The following VPS39 variants were observed in gnomAD, a reference collection of about 807,000 sequenced individuals.
VPS39 encodes VPS39 subunit of HOPS complex.
VPS39 carries 70 observed loss-of-function variants against 121.0 expected under a neutral mutation model. That is an observed-to-expected ratio of 0.58 (90% CI 0.48 to 0.71). The LOEUF is 0.71. Ranked by LOEUF, VPS39 falls within the 30% of genes least tolerant of loss-of-function variation. The pLI is 0.00. For synonymous variants in VPS39, 378 were observed against 398.1 expected, an observed-to-expected ratio of 0.95 and a Z score of 0.60; for missense variants, 818 against 1,051.5, an observed-to-expected ratio of 0.78 and a Z score of 3.07.
At chr15:42,175,605 T>C (rs1001416335) in intron 10 of VPS39, among the ~76,000 whole-genome samples, 1 of 151,988 alleles carries the variant, frequency 6.6e-6, no homozygotes, top group African/African-American at 2.4e-5. Context: ...AAAATGTCTC[T>C]CAATTTCCCC....
intron 11 of VPS39, 96 bp from the exon 12 acceptor site, chr15:42,169,962 A>G: frequency 1.6e-6 from 2 of 1,279,988 alleles, no homozygotes; most frequent in Non-Finnish European, 2.1e-6. Flanking sequence ...TAAGTTCCAG[A>G]CTGATTTAAA....
At chr15:42,183,895 C>T (rs377727210) in intron 8 of VPS39, among the ~76,000 whole-genome samples, 3 of 151,926 alleles carry the variant, frequency 2.0e-5, no homozygotes, top group East Asian at 3.9e-4. Flanking sequence ...CTCACTCTTC[C>T]GACTGAAAAT....
At chr15:42,162,544 G>A (rs1566888398) in intron 21 of VPS39, 63 bp from the exon 22 acceptor site, 4 of 1,507,776 alleles carry the variant, frequency 2.7e-6, no homozygotes, top group East Asian at 4.6e-5. Context: ...CCCCAGCACT[G>A]AGCATGCCTA....
At chr15:42,199,303 C>T (rs1433024492) in intron 2 of VPS39, among the ~76,000 whole-genome samples, 2 of 152,136 alleles carry the variant, frequency 1.3e-5, no homozygotes, top group Non-Finnish European at 1.5e-5. Flanking sequence ...CTGACAGTCA[C>T]ATTTGATTAG....
chr15:42,189,224 T>C lies in VPS39; in HGVS notation c.248-16A>G. The C allele has an allele frequency of 6.3e-7, 1 of 1,587,456 alleles. No homozygotes were observed. Among genetic ancestry groups the C allele is most frequent in the Non-Finnish European group, 8.6e-7 (1 of 1,156,374 alleles). ...ATGTTATTTTCTGTTTGGGAGGAGG[T>C]ATAACATCAGGATCAATGATCATAA... On this transcript the variant is annotated splice_polypyrimidine_tract_variant and intron_variant, in intron 4 of 24. Coordinates refer to ENST00000318006, the MANE Select transcript of VPS39 (RefSeq NM_015289.5).
intron 1 of VPS39, 55 bp from the exon 2 acceptor site, chr15:42,200,016 A>C: frequency 1.3e-6 from 2 of 1,519,594 alleles, no homozygotes; most frequent in Non-Finnish European, 1.7e-6. Context: ...GCTTTGAGAA[A>C]GGTCAATCAG....
chr15:42,160,949 A>AAAG, intron 24 of VPS39, 120 bp from the exon 25 acceptor site: 1 of 987,304 alleles, frequency 1.0e-6, no homozygotes, highest in Non-Finnish European at 1.6e-6. Flanking sequence ...CAGCCCACCC[A>AAAG]AACCTCAAAG....
Position 42,165,049 on chromosome 15 carries a change from T to C in VPS39, c.1844A>G (p.Tyr615Cys), listed in dbSNP as rs1466120935. 6.2e-7 allele frequency: 1 copy of C among 1,614,214 alleles called. No individual in the cohort carries two copies. Among genetic ancestry groups the C allele is most frequent in the African/African-American group, 1.3e-5 (1 of 75,056 alleles). ...CATCAGACCTTGCACCTTCTCACAG[T>C]ATAGCTGGATCAGGCAGTTGTGGAA... ...SRFHNCLIQL[Y>C]CEKVQGLMKE... The change falls in exon 18 of 25, where the codon TAC (tyrosine) becomes TGC (cysteine). Residue 615 changes from tyrosine to cysteine, a missense_variant. Transcript: ENST00000318006.
intron 11 of VPS39, 119 bp from the exon 12 acceptor site, chr15:42,169,985 ACTCTCAGTTC>A: frequency 1.8e-5 from 20 of 1,095,406 alleles, no homozygotes; most frequent in Non-Finnish European, 2.3e-5. Context: ...AAAAAAAAAG[ACTCTCAGTTC>A]ATAAACATTC....
At chr15:42,183,909 AT>A (rs954798047) in intron 8 of VPS39, among the ~76,000 whole-genome samples, 1 of 152,196 alleles carries the variant, frequency 6.6e-6, no homozygotes. Context: ...TGAAAATAAA[AT>A]GGGGCAAGAG....
At position 42,208,231 on chromosome 15, in the gene VPS39, C is replaced by G; in HGVS notation, c.-78G>C. On this transcript the variant is annotated 5_prime_UTR_variant, in exon 1 of 25. Coordinates refer to ENST00000318006, the MANE Select transcript of VPS39 (RefSeq NM_015289.5). Reference sequence around the variant, plus strand: ...GGCTGGGGTCCGGAACGAGTCTGGGCTAAGGGTAGACCGGGATCCGGCCAG... The same window carrying G: ...GGCTGGGGTCCGGAACGAGTCTGGGGTAAGGGTAGACCGGGATCCGGCCAG... The G allele has an allele frequency of 6.5e-7, 1 of 1,532,720 alleles. No individual in the cohort carries two copies. Among genetic ancestry groups the G allele is most frequent in the Non-Finnish European group, 8.8e-7 (1 of 1,133,570 alleles). The allele number at this position is 1,532,720 out of a possible 1,614,324, so 94.9% of individuals were successfully genotyped here. A position where few individuals can be genotyped will look rare whatever the true frequency, so the allele number is the denominator to read the frequency against.
At chr15:42,166,465 C>A in intron 15 of VPS39, 98 bp downstream of exon 15, 1 of 1,372,374 alleles carries the variant, frequency 7.3e-7, no homozygotes, top group South Asian at 1.2e-5. Flanking sequence ...AACACGAGCA[C>A]GGGAGGGAGG....
intron 5 of VPS39, among the ~76,000 whole-genome samples, chr15:42,188,801 T>A (rs913945995): frequency 1.3e-5 from 2 of 151,716 alleles, no homozygotes; most frequent in African/African-American, 2.4e-5. Flanking sequence ...ATCTCTAATT[T>A]AAAAAAATAC....
intron 8 of VPS39, among the ~76,000 whole-genome samples, chr15:42,180,830 C>T (rs532744118): frequency 2.8e-4 from 43 of 152,102 alleles, no homozygotes; most frequent in Non-Finnish European, 5.6e-4. Context: ...TCACCTCATA[C>T]GCCTTTAGGA....
chr15:42,202,952 A>T (rs645304), intron 1 of VPS39, among the ~76,000 whole-genome samples: 7,469 of 152,312 alleles, frequency 0.049, 438 homozygotes, highest in African/African-American at 0.12. Flanking sequence ...TAAACATGAC[A>T]TTCAAGAGTC....
At chr15:42,168,164 T>C (rs1566892714) in intron 12 of VPS39, among the ~76,000 whole-genome samples, 1 of 152,238 alleles carries the variant, frequency 6.6e-6, no homozygotes, top group Non-Finnish European at 1.5e-5. Flanking sequence ...GAGCCCATGG[T>C]CTTGCTCTGC....
chr15:42,162,680 T>C (rs1474937801), intron 21 of VPS39, 199 bp from the exon 22 acceptor site: 7 of 553,454 alleles, frequency 1.3e-5, no homozygotes, highest in Non-Finnish European at 2.0e-5. Context: ...GCTTTTTCCC[T>C]GAGAGAAAAA....
intron 1 of VPS39, among the ~76,000 whole-genome samples, chr15:42,207,439 C>G (rs2050197192): frequency 6.6e-6 from 1 of 152,160 alleles, no homozygotes; most frequent in Non-Finnish European, 1.5e-5. Flanking sequence ...CTAGTCAATC[C>G]CAAAAGGACT....
chr15:42,160,997 T>C (rs1257160716), intron 24 of VPS39, 168 bp from the exon 25 acceptor site: 1 of 635,418 alleles, frequency 1.6e-6, no homozygotes, highest in Non-Finnish European at 2.8e-6. Flanking sequence ...TCTGTAGCCA[T>C]CATCTCTGTC....
Sources: gnomAD v4.1 joint callset for allele counts (sites outside exome capture counted in the v4.1 genomes callset) on GRCh38, gnomAD v4.1.1 for gene constraint, MANE v1.5 for transcripts, NCBI Gene and HGNC (gene_info 2026-07-23, HGNC 2026-07-21) for gene names.